ROR1: variants seen among roughly 807,000 people sequenced by gnomAD.
ROR1 encodes ROR family WNT receptor 1.
Under a neutral mutation model 78.8 loss-of-function variants are expected in ROR1, and 19 were observed. The ratio of observed to expected loss-of-function variants is 0.24; its 90% CI spans 0.17 to 0.35. The LOEUF (loss-of-function observed/expected upper bound fraction) is 0.35. ROR1 is among the 10% of genes least tolerant of loss of function. The probability of loss-of-function intolerance (pLI) is 1.00; values close to 1 mark genes in which losing one functional copy is unlikely to be tolerated. For synonymous variants in ROR1, 386 were observed against 433.6 expected (o/e 0.89, Z 1.36); for missense variants, 917 against 1,177.8 (o/e 0.78, Z 3.24).
At chr1:63,883,584 G>T (rs932170178) in intron 1 of ROR1, among the ~76,000 whole-genome samples, 7 of 152,174 alleles carry the variant, frequency 4.6e-5, no homozygotes, top group African/African-American at 1.7e-4. Context: ...TAAAACCTGT[G>T]TTATGACTGG....
At chr1:64,164,577 T>A (rs911684256) in intron 8 of ROR1, among the ~76,000 whole-genome samples, 8 of 152,242 alleles carry the variant, frequency 5.3e-5, no homozygotes, top group Admixed American at 4.6e-4. Context: ...ATTATTGTTA[T>A]AACTGATGAG....
rs59253599 is a variant in ROR1, at chr1:63,966,459, T to C, written c.92-42846T>C. ...TAAACAGATGGCAAGGTTTGTATAA[T>C]TTCCTGCTGGGTAATCTGGTACTAG... On this transcript the variant is annotated intron_variant, in intron 1 of 8. Transcript: ENST00000371079. Among the ~76,000 whole-genome samples the C allele has an allele frequency of 3.3e-4, 51 of 152,296 alleles. 1 individual carries two copies. The East Asian group carries it at 7.7e-3, about 23-fold the overall frequency.
chr1:63,964,757 G>T (rs372874929), intron 1 of ROR1, among the ~76,000 whole-genome samples: 5 of 152,316 alleles, frequency 3.3e-5, no homozygotes, highest in Admixed American at 3.3e-4. Context: ...ATATTAACAC[G>T]TGGTGGTCTG....
At chr1:63,921,037 C>T (rs918329185) in intron 1 of ROR1, among the ~76,000 whole-genome samples, 4 of 152,168 alleles carry the variant, frequency 2.6e-5, no homozygotes, top group Non-Finnish European at 5.9e-5. Flanking sequence ...TACAAACGGA[C>T]TAAATTATTA....
intron 1 of ROR1, among the ~76,000 whole-genome samples, chr1:63,822,992 T>C (rs1322578283): frequency 6.6e-6 from 1 of 152,144 alleles, no homozygotes; most frequent in Non-Finnish European, 1.5e-5. Context: ...GTGGTTTTTT[T>C]GTTTACACAT....
intron 1 of ROR1, among the ~76,000 whole-genome samples, chr1:63,984,781 A>G (rs1421026698): frequency 6.6e-6 from 1 of 152,238 alleles, no homozygotes; most frequent in Non-Finnish European, 1.5e-5. Flanking sequence ...ATAGCTGAAC[A>G]TGGACAGATA....
At chr1:64,109,722 G>T (rs6663857) in intron 4 of ROR1, among the ~76,000 whole-genome samples, 1 of 151,926 alleles carries the variant, frequency 6.6e-6, no homozygotes, top group Non-Finnish European at 1.5e-5. Context: ...AGAGAACAGG[G>T]TCTCACTTTG....
At chr1:64,004,640 G>T (rs1418415677) in intron 1 of ROR1, among the ~76,000 whole-genome samples, 1 of 152,202 alleles carries the variant, frequency 6.6e-6, no homozygotes, top group East Asian at 1.9e-4. Flanking sequence ...TGGCATGGCT[G>T]GGAGCTTCTT....
chr1:64,162,189 A>G (rs1191020732), intron 8 of ROR1, among the ~76,000 whole-genome samples: 2 of 152,184 alleles, frequency 1.3e-5, no homozygotes, highest in African/African-American at 4.8e-5. Context: ...GGCCAATTCA[A>G]AAGTCAGAGA....
intron 1 of ROR1, among the ~76,000 whole-genome samples, chr1:63,893,379 G>A (rs373776837): frequency 6.6e-6 from 1 of 152,204 alleles, no homozygotes; most frequent in East Asian, 1.9e-4. Context: ...CTAGCTCCTG[G>A]AAGTGCAGAG....
chr1:64,012,170 T>C (rs1261424187), intron 2 of ROR1, among the ~76,000 whole-genome samples: 1 of 152,216 alleles, frequency 6.6e-6, no homozygotes, highest in African/African-American at 2.4e-5. Flanking sequence ...CTATGGGTAC[T>C]CTCTAAGGCC....
At chr1:64,064,485 T>C (rs993500490) in intron 4 of ROR1, among the ~76,000 whole-genome samples, 6 of 152,206 alleles carry the variant, frequency 3.9e-5, no homozygotes, top group Admixed American at 1.3e-4. Flanking sequence ...GCAGAGGTCA[T>C]CTGCCTTGCA....
chr1:63,855,661 T>A (rs951852499), intron 1 of ROR1, among the ~76,000 whole-genome samples: 1 of 152,108 alleles, frequency 6.6e-6, no homozygotes, highest in African/African-American at 2.4e-5. Flanking sequence ...GCTCTTTTTT[T>A]TTTTTTGAGA....
chr1:64,159,365 C>T (rs1400662963), intron 8 of ROR1, among the ~76,000 whole-genome samples, 173 bp downstream of exon 8: 1 of 152,150 alleles, frequency 6.6e-6, no homozygotes, highest in African/African-American at 2.4e-5. Flanking sequence ...TAAACCAAGA[C>T]ACTTTCATCA....
chr1:63,806,646 G>A (rs898824690), intron 1 of ROR1, among the ~76,000 whole-genome samples: 2 of 152,188 alleles, frequency 1.3e-5, no homozygotes, highest in Admixed American at 1.3e-4. Flanking sequence ...AAATAATTTA[G>A]TGTTTTGTTT....
intron 4 of ROR1, among the ~76,000 whole-genome samples, chr1:64,069,650 G>T (rs558699105): frequency 3.9e-5 from 6 of 152,166 alleles, no homozygotes; most frequent in African/African-American, 1.4e-4. Flanking sequence ...TTTAGATTAG[G>T]GTTAATTTTG....
chr1:63,833,990 CTTT>C (rs71056008), intron 1 of ROR1, among the ~76,000 whole-genome samples: 6 of 132,018 alleles, frequency 4.5e-5, no homozygotes, highest in Non-Finnish European at 8.1e-5. Flanking sequence ...TCTTCTTCTT[CTTT>C]TTTTTTTTTT....
At chr1:63,966,636 T>C (rs1646077611) in intron 1 of ROR1, among the ~76,000 whole-genome samples, 1 of 152,204 alleles carries the variant, frequency 6.6e-6, no homozygotes, top group Admixed American at 6.5e-5. Flanking sequence ...TACAGTTCTG[T>C]CCCATCTCAA....
At chr1:64,108,060 TTGTGTG>T (rs3084945) in intron 4 of ROR1, among the ~76,000 whole-genome samples, 7,626 of 146,420 alleles carry the variant, frequency 0.052, 319 homozygotes, top group African/African-American at 0.1. Context: ...TGTTTTCTTG[TTGTGTG>T]TGTGTGTGTG....
Sources: gnomAD v4.1 joint callset for allele counts (sites outside exome capture counted in the v4.1 genomes callset) on GRCh38, gnomAD v4.1.1 for gene constraint, MANE v1.5 for transcripts, NCBI Gene and HGNC (gene_info 2026-07-23, HGNC 2026-07-21) for gene names.